Variants in LMNB2 observed in about 807,000 individuals in gnomAD.
LMNB2 encodes the protein lamin B2.
LMNB2 carries 17 observed loss-of-function variants against 69.3 expected under a neutral mutation model. The ratio of observed to expected loss-of-function variants is 0.25; its 90% CI spans 0.17 to 0.37. The LOEUF (loss-of-function observed/expected upper bound fraction) is 0.37, where lower values mean the gene tolerates loss of function less well. LMNB2 is among the 10% of genes least tolerant of loss of function. The pLI is 1.00. For synonymous variants in LMNB2, 397 were observed against 389.3 expected, an observed-to-expected ratio of 1.02 and a Z score of -0.23; for missense variants, 789 against 883.6, an observed-to-expected ratio of 0.89 and a Z score of 1.36.
At chr19:2,452,342 G>C (rs780992821) in intron 1 of LMNB2, among the ~76,000 whole-genome samples, 1 of 151,982 alleles carries the variant, frequency 6.6e-6, no homozygotes, top group Non-Finnish European at 1.5e-5. Context: ...GCTGAGGCAC[G>C]AGAAGCCCTT....
chr19:2,444,692 TTG>T, intron 1 of LMNB2, 152 bp from the exon 2 acceptor site: 1 of 1,053,970 alleles, frequency 9.5e-7, no homozygotes, highest in Non-Finnish European at 1.4e-6. Flanking sequence ...ACACCCTGTG[TTG>T]CCCATCTCAC....
chr19:2,431,589 C>T lies in LMNB2; in HGVS notation c.1780G>A (p.Glu594Lys), dbSNP rs1971740510. The T allele has an allele frequency of 6.2e-7, 1 of 1,614,022 alleles. No homozygotes were observed. Among genetic ancestry groups the T allele is most frequent in the African/African-American group, 1.3e-5 (1 of 74,938 alleles). Residue 594 changes from glutamate (E) to lysine (K), a missense_variant, in exon 11 of 12, where the codon GAG becomes AAG. This residue lies in a region of LMNB2 where 609 missense variants were observed against 630.9 expected (regional missense o/e 0.97). Coordinates refer to ENST00000325327, the MANE Select transcript of LMNB2 (RefSeq NM_032737.4). The part of the protein sequence containing the change: ...RENENGEEEE[E>K]EAEFGEEDLF... ...TCCTCCTCGCCAAACTCGGCTTCCTCCTCCTCTTCCTCCCCATTCTCATTC... is the reference window on the plus strand; with the variant it reads ...TCCTCCTCGCCAAACTCGGCTTCCTTCTCCTCTTCCTCCCCATTCTCATTC...
intron 5 of LMNB2, 40 bp from the exon 6 acceptor site, chr19:2,434,953 G>T: frequency 6.3e-7 from 1 of 1,588,858 alleles, no homozygotes; most frequent in Non-Finnish European, 8.5e-7. Context: ...CGCGGGGCGG[G>T]GCGGGGTTCC....
intron 1 of LMNB2, among the ~76,000 whole-genome samples, chr19:2,446,936 C>G (rs1016916932): frequency 6.6e-6 from 1 of 152,006 alleles, no homozygotes; most frequent in Non-Finnish European, 1.5e-5. Context: ...GTCAGGAGAT[C>G]GAGACCATCC....
chr19:2,450,932 T>C (rs1330170665), intron 1 of LMNB2, among the ~76,000 whole-genome samples: 3 of 149,790 alleles, frequency 2.0e-5, no homozygotes, highest in Non-Finnish European at 4.4e-5. Flanking sequence ...GCCCAGACGG[T>C]TTTTACATTT....
At chr19:2,449,789 C>T (rs1971999522) in intron 1 of LMNB2, among the ~76,000 whole-genome samples, 1 of 150,348 alleles carries the variant, frequency 6.7e-6, no homozygotes, top group African/African-American at 2.5e-5. Context: ...AAAAAATATA[C>T]ATATGTCTGG....
intron 1 of LMNB2, 71 bp from the exon 2 acceptor site, chr19:2,444,611 G>A: frequency 6.3e-7 from 1 of 1,577,840 alleles, no homozygotes; most frequent in Non-Finnish European, 8.6e-7. Context: ...AGGGGGCCCG[G>A]CCACTGGCCC....
intron 1 of LMNB2, among the ~76,000 whole-genome samples, chr19:2,455,104 T>C (rs1221260948): frequency 6.6e-6 from 1 of 151,748 alleles, no homozygotes; most frequent in Non-Finnish European, 1.5e-5. Flanking sequence ...GACCCCAAGG[T>C]ATCAGAACCT....
At position 2,432,479 on chromosome 19, in the gene LMNB2, C is replaced by G. The variant is rs1318578743; in HGVS notation, c.1527G>C (p.Glu509Asp). 5 of 1,613,950 alleles carry G rather than the reference C, an allele frequency of 3.1e-6. 1 individual carries two copies. The highest frequency in any genetic ancestry group is 2.5e-6 in the Non-Finnish European group (3 of 1,179,946). The stretch of plus-strand genomic sequence containing the variant: ...TGAACTTGTAGGCGATCTCCTCCCC[C>G]TCCAAGACCTGCCTCTTGATTCTCC... ...GNWRIKRQVL[E>D]GEEIAYKFTP... The change falls in exon 9 of 12, where the codon GAG (glutamate) becomes GAC (aspartate). Residue 509 changes from glutamate (E) to aspartate (D), a missense_variant. Around this residue, in one of 3 missense-constraint regions of LMNB2, gnomAD observed 609 missense variants for 630.9 expected, o/e 0.97. Transcript: ENST00000325327.
rs1306976176 is a variant in LMNB2, at chr19:2,428,946, C to T, written c.*1965G>A. On this transcript the variant is annotated 3_prime_UTR_variant, in exon 12 of 12. Coordinates refer to ENST00000325327, the MANE Select transcript of LMNB2 (RefSeq NM_032737.4). ...CAAGGCAAATGTAGGGTGGGGGGTTCTGTGGGCCTGGGGCGTGCTGTTTTC... is the reference window on the plus strand; with the variant it reads ...CAAGGCAAATGTAGGGTGGGGGGTTTTGTGGGCCTGGGGCGTGCTGTTTTC... The T allele has an allele frequency of 6.6e-6, 1 of 152,138 alleles. No homozygotes were observed. Among genetic ancestry groups the T allele is most frequent in the Non-Finnish European group, 1.5e-5 (1 of 68,064 alleles). The allele number at this position is 152,138 out of a possible 1,614,324, so 9.4% of individuals were successfully genotyped here. A position where few individuals can be genotyped will look rare whatever the true frequency, so the allele number is the denominator to read the frequency against.
Position 2,444,476 on chromosome 19 carries a change from G to A in LMNB2, c.329C>T (p.Thr110Met), listed in dbSNP as rs371789042. The A allele has an allele frequency of 3.5e-5, 56 of 1,613,500 alleles. No homozygotes were observed. The African/African-American group carries it at 4.1e-4, about 12-fold the overall frequency. Residue 110 changes from threonine to methionine, a missense_variant, in exon 2 of 12, where the codon ACG becomes ATG. Physicochemically the swap from Thr to Met is moderately conservative, Grantham distance 81. Transcript: ENST00000325327. The stretch of plus-strand genomic sequence containing the variant: ...CTGCAGCCGGGCACGCTCTCGAGCC[G>A]TCTCATCCAGGACTCTCCGGGCATC... Reference protein sequence around the residue: ...LADARRVLDETARERARLQIE... With the variant: ...LADARRVLDEMARERARLQIE...
chr19:2,443,857 G>A lies in LMNB2; in HGVS notation c.401+547C>T, dbSNP rs757089785. ...CACTGCCAGGCTGAGAGGGGAGATC[G>A]TTTCTGCCGATGGACACAGTTGTCA... On this transcript the variant is annotated intron_variant, in intron 2 of 11. Coordinates refer to ENST00000325327, the MANE Select transcript of LMNB2 (RefSeq NM_032737.4). The surrounding 1 kb of genome is among the most constrained non-coding windows in gnomAD (Gnocchi z 6.2). 6.6e-5 allele frequency among the ~76,000 whole-genome samples: 10 copies of A among 152,108 alleles called. No individual in the cohort carries two copies. Among genetic ancestry groups the A allele is most frequent in the Non-Finnish European group, 1.2e-4 (8 of 68,018 alleles).
intron 1 of LMNB2, among the ~76,000 whole-genome samples, chr19:2,451,275 T>G (rs945941350): frequency 6.6e-6 from 1 of 152,098 alleles, no homozygotes; most frequent in South Asian, 2.1e-4. Context: ...GGGGGGAAGA[T>G]GAAGAGACTT....
intron 1 of LMNB2, among the ~76,000 whole-genome samples, chr19:2,449,783 A>T (rs926398608): frequency 1.7e-4 from 26 of 150,548 alleles, no homozygotes; most frequent in African/African-American, 4.7e-4. Context: ...TCTCAAAAAA[A>T]ATATACATAT....
In LMNB2 at chr19:2,430,602, C is replaced by T; in HGVS notation, c.*309G>A. On this transcript the variant is annotated 3_prime_UTR_variant, in exon 12 of 12. Transcript: ENST00000325327. Reference sequence around the variant, plus strand: ...CCTGTCCCCTCGCTAGCCTCGCCGGCCCTCCTCCCTCCAAGCCCAAGCATC... The same window carrying T: ...CCTGTCCCCTCGCTAGCCTCGCCGGTCCTCCTCCCTCCAAGCCCAAGCATC... 1 of 476,706 alleles carries T rather than the reference C, an allele frequency of 2.1e-6. No individual in the cohort carries two copies. The highest frequency in any genetic ancestry group is 3.9e-6 in the Non-Finnish European group (1 of 259,640). 29.5% of individuals were successfully genotyped at this position (476,706 alleles called of 1,614,324 possible).
Position 2,444,559 on chromosome 19 carries a change from G to A in LMNB2, c.265-19C>T, listed in dbSNP as rs199577453. 7.0e-4 allele frequency: 1,125 copies of A among 1,606,298 alleles called. No homozygotes were observed. The highest frequency in any genetic ancestry group is 1.3e-3 in the Middle Eastern group (8 of 6,078). Reference sequence around the variant, plus strand: ...CACTCACCTGGGGAGACCCAGGACAGGGTGAAGCGAGAGGGACCCTTCCCC... The same window carrying A: ...CACTCACCTGGGGAGACCCAGGACAAGGTGAAGCGAGAGGGACCCTTCCCC... On this transcript the variant is annotated intron_variant, in intron 1 of 11. Coordinates refer to ENST00000325327, the MANE Select transcript of LMNB2 (RefSeq NM_032737.4).
chr19:2,445,208 C>T (rs1971942019), intron 1 of LMNB2, among the ~76,000 whole-genome samples: 1 of 151,404 alleles, frequency 6.6e-6, no homozygotes. Context: ...CCTCCCAGAC[C>T]CCTCTGGGCC....
rs146402296 is a variant in LMNB2, at chr19:2,438,957, C to T, written c.402-426G>A. Among the ~76,000 whole-genome samples, 235 of 146,414 alleles carry T rather than the reference C, an allele frequency of 1.6e-3. 1 individual carries two copies. Among genetic ancestry groups the T allele is most frequent in the African/African-American group, 5.4e-3 (216 of 39,840 alleles). On this transcript the variant is annotated intron_variant, in intron 2 of 11. Coordinates refer to ENST00000325327, the MANE Select transcript of LMNB2 (RefSeq NM_032737.4). Reference sequence around the variant, plus strand: ...TTCCACTAAACCAAATTAGCTCCAACATTAGATATTTAAGATAGCAAATAC... The same window carrying T: ...TTCCACTAAACCAAATTAGCTCCAATATTAGATATTTAAGATAGCAAATAC...
intron 11 of LMNB2, 129 bp downstream of exon 11, chr19:2,431,419 A>G: frequency 8.3e-7 from 1 of 1,207,018 alleles, no homozygotes; most frequent in Non-Finnish European, 1.2e-6. Flanking sequence ...GGCTGGCTTC[A>G]CCCTGAGCCA....
Sources: allele counts gnomAD v4.1 joint callset (sites outside exome capture counted in the v4.1 genomes callset), GRCh38; gene constraint gnomAD v4.1.1; regional missense constraint gnomAD v4.1.1; non-coding constraint Gnocchi (gnomAD v3.1); transcripts MANE v1.5; gene names NCBI Gene and HGNC (gene_info 2026-07-23, HGNC 2026-07-21).